The following CNTN1 variants were observed in gnomAD, a reference collection of about 807,000 sequenced individuals.
The protein encoded by CNTN1 is contactin-1.
CNTN1 carries 38 observed loss-of-function variants against 126.4 expected under a neutral mutation model. That is an observed-to-expected ratio of 0.30 (90% confidence interval 0.23 to 0.39). The LOEUF (loss-of-function observed/expected upper bound fraction) is 0.39. Among genes scored for constraint, CNTN1 ranks in the 10% least tolerant of loss-of-function variants. The pLI is 1.00. For synonymous variants in CNTN1, 413 were observed against 422.6 expected, an observed-to-expected ratio of 0.98 and a Z score of 0.28; for missense variants, 1,009 against 1,248.4, an observed-to-expected ratio of 0.81 and a Z score of 2.89.
At chr12:40,759,846 A>G (rs1335165124) in intron 1 of CNTN1, among the ~76,000 whole-genome samples, 1 of 147,696 alleles carries the variant, frequency 6.8e-6, no homozygotes, top group Non-Finnish European at 1.5e-5. Flanking sequence ...TTATCTTGGC[A>G]CCTACAACAG....
chr12:40,902,260 C>A (rs1298839397), intron 1 of CNTN1, among the ~76,000 whole-genome samples: 1 of 152,110 alleles, frequency 6.6e-6, no homozygotes, highest in Admixed American at 6.6e-5. Flanking sequence ...GAACTTGGAT[C>A]TTCATTTTAA....
chr12:40,824,791 C>G (rs754635116), intron 1 of CNTN1, among the ~76,000 whole-genome samples: 10 of 152,078 alleles, frequency 6.6e-5, no homozygotes, highest in Non-Finnish European at 1.2e-4. Flanking sequence ...TCACCCCTTC[C>G]CTCAATGAAT....
intron 17 of CNTN1, among the ~76,000 whole-genome samples, chr12:40,994,644 G>A (rs1948170087): frequency 6.6e-6 from 1 of 151,936 alleles, no homozygotes; most frequent in South Asian, 2.1e-4. Context: ...CAAGAATCCT[G>A]GCTATGTGGT....
intron 23 of CNTN1, among the ~76,000 whole-genome samples, chr12:41,042,948 T>G (rs1018082633): frequency 3.9e-5 from 6 of 152,324 alleles, no homozygotes; most frequent in Non-Finnish European, 7.3e-5. Flanking sequence ...GCTAGCCATA[T>G]GTAGAAAGCT....
At chr12:41,013,349 T>C (rs910372139) in intron 17 of CNTN1, among the ~76,000 whole-genome samples, 1 of 152,128 alleles carries the variant, frequency 6.6e-6, no homozygotes, top group Non-Finnish European at 1.5e-5. Flanking sequence ...AGCTTGCTTG[T>C]TTATGTCTGC....
At chr12:41,064,429 C>T (rs1166959887) in intron 23 of CNTN1, among the ~76,000 whole-genome samples, 1 of 152,202 alleles carries the variant, frequency 6.6e-6, no homozygotes, top group Non-Finnish European at 1.5e-5. Flanking sequence ...TTTTATCCAA[C>T]TACTTTTCCA....
chr12:40,822,045 G>GT (rs1941455404), intron 1 of CNTN1, among the ~76,000 whole-genome samples: 1 of 150,850 alleles, frequency 6.6e-6, no homozygotes, highest in East Asian at 1.9e-4. Flanking sequence ...TTTCTTTCTG[G>GT]TAATACCCTC....
intron 1 of CNTN1, among the ~76,000 whole-genome samples, chr12:40,868,171 CTCTGGGCATAAGA>C (rs1367076067): frequency 6.6e-6 from 1 of 151,920 alleles, no homozygotes; most frequent in East Asian, 1.9e-4. Context: ...TTTCCTTTCT[CTCTGGGCATAAGA>C]TCTTCACCAC....
chr12:40,720,193 G>A (rs913973586), intron 1 of CNTN1, among the ~76,000 whole-genome samples: 2 of 151,824 alleles, frequency 1.3e-5, no homozygotes, highest in African/African-American at 2.4e-5. Flanking sequence ...ACTAGTCTAA[G>A]AATTAGACTA....
chr12:40,780,758 C>G (rs1476880680), intron 1 of CNTN1, among the ~76,000 whole-genome samples: 1 of 148,566 alleles, frequency 6.7e-6, no homozygotes, highest in East Asian at 2.0e-4. Flanking sequence ...AAAGAGGAGG[C>G]CTTTAAGGAG....
At chr12:40,953,996 G>A (rs957035321) in intron 14 of CNTN1, among the ~76,000 whole-genome samples, 1 of 152,026 alleles carries the variant, frequency 6.6e-6, no homozygotes, top group South Asian at 2.1e-4. Flanking sequence ...TTGTTGTAAA[G>A]TTCAATGAAG....
At chr12:40,698,953 A>G (rs1012528035) in intron 1 of CNTN1, among the ~76,000 whole-genome samples, 3 of 151,922 alleles carry the variant, frequency 2.0e-5, no homozygotes, top group Non-Finnish European at 4.4e-5. Flanking sequence ...CCCATGTTCT[A>G]TTCTCTACTA....
In CNTN1 at chr12:41,069,990, C is replaced by G. The variant is rs1050832596; in HGVS notation, c.3012C>G (p.Gly1004=). Residue 1004 remains glycine (G), a synonymous_variant, in exon 24 of 24, where the codon GGC becomes GGG. Transcript: ENST00000551295. The part of the protein sequence containing the change: ...GAPTLSPSLL[G]LLLPAFGILV... ...CCACCCTATCCCCAAGTCTTCTCGG[C>G]TTACTGCTGCCTGCCTTTGGCATCC... 1 of 1,614,066 alleles carries G rather than the reference C, an allele frequency of 6.2e-7. No individual in the cohort carries two copies.
intron 23 of CNTN1, among the ~76,000 whole-genome samples, chr12:41,051,640 T>C (rs1949685088): frequency 6.6e-6 from 1 of 152,088 alleles, no homozygotes; most frequent in Non-Finnish European, 1.5e-5. Flanking sequence ...AATGTCCTCT[T>C]TTTAAGGAAC....
chr12:40,937,478 T>C, intron 10 of CNTN1, 92 bp from the exon 11 acceptor site: 1 of 831,692 alleles, frequency 1.2e-6, no homozygotes, highest in Non-Finnish European at 2.1e-6. Flanking sequence ...GAACATAATG[T>C]ATCTAAATGA....
At position 40,801,341 on chromosome 12, in the gene CNTN1, A is replaced by T. The variant is rs142563506; in HGVS notation, c.-76-107016A>T. Among the ~76,000 whole-genome samples, 438 of 152,146 alleles carry T rather than the reference A, an allele frequency of 2.9e-3. 4 individuals carry two copies. The highest frequency in any genetic ancestry group is 1.0e-2 in the African/African-American group (414 of 41,534). On this transcript the variant is annotated intron_variant, in intron 1 of 23. Coordinates refer to ENST00000551295, the MANE Select transcript of CNTN1 (RefSeq NM_001843.4). ...CAGTGATAAACACCAGGCCTCTGAT[A>T]AATGAAAGTCAAATGAAACAATATG...
At chr12:40,843,859 C>T (rs909929395) in intron 1 of CNTN1, among the ~76,000 whole-genome samples, 4 of 151,792 alleles carry the variant, frequency 2.6e-5, no homozygotes, top group Non-Finnish European at 5.9e-5. Flanking sequence ...CGTGGGAAAT[C>T]CTTGAGAGGA....
chr12:40,811,240 T>C (rs1281255352), intron 1 of CNTN1, among the ~76,000 whole-genome samples: 1 of 152,222 alleles, frequency 6.6e-6, no homozygotes, highest in Non-Finnish European at 1.5e-5. Context: ...TTAATTTTTT[T>C]AGTATCATCC....
intron 23 of CNTN1, among the ~76,000 whole-genome samples, chr12:41,038,489 CTTCTTA>C (rs1949322028): frequency 6.6e-6 from 1 of 151,976 alleles, no homozygotes; most frequent in African/African-American, 2.4e-5. Context: ...GTACTTTCTT[CTTCTTA>C]TAAGGACTGA....
Sources: gnomAD v4.1 joint callset for allele counts (sites outside exome capture counted in the v4.1 genomes callset) on GRCh38, gnomAD v4.1.1 for gene constraint, MANE v1.5 for transcripts, NCBI Gene and HGNC (gene_info 2026-07-23, HGNC 2026-07-21) for gene names.